Variants in ACTR5 observed in about 807,000 individuals in gnomAD.
ACTR5 encodes actin related protein 5.
Under a neutral mutation model 61.2 loss-of-function variants are expected in ACTR5, and 43 were observed. That is an observed-to-expected ratio of 0.70 (90% CI 0.55 to 0.91). ACTR5 has a LOEUF of 0.91. ACTR5 is among the 40% of genes least tolerant of loss of function. ACTR5 has a pLI of 0.00. For missense variants in ACTR5, 798 were observed against 782.2 expected (o/e 1.02, Z -0.24); for synonymous variants, 333 against 310.5 (o/e 1.07, Z -0.76).
intron 5 of ACTR5, among the ~76,000 whole-genome samples, chr20:38,764,973 A>G (rs896375204): frequency 6.6e-6 from 1 of 152,250 alleles, no homozygotes; most frequent in Non-Finnish European, 1.5e-5. Context: ...CTCCCTGGCC[A>G]GCAGATGTAT....
Position 38,766,687 on chromosome 20 carries a change from C to T in ACTR5, c.1433+310C>T, listed in dbSNP as rs80019731. On this transcript the variant is annotated intron_variant, in intron 7 of 8. Coordinates refer to ENST00000243903, the MANE Select transcript of ACTR5 (RefSeq NM_024855.4). The stretch of plus-strand genomic sequence containing the variant: ...ATGTAAACCTTCACATTATTAAAGA[C>T]TAGTGATTTTAAATCACCCTAAAAA... 1.0e-2 allele frequency among the ~76,000 whole-genome samples: 1,518 copies of T among 152,290 alleles called. 11 individuals are homozygous for T. The highest frequency in any genetic ancestry group is 0.021 in the Admixed American group (317 of 15,290).
intron 3 of ACTR5, among the ~76,000 whole-genome samples, chr20:38,753,460 C>CTATTTGAT (rs1414757230): frequency 1.3e-5 from 2 of 151,442 alleles, no homozygotes; most frequent in East Asian, 3.9e-4. Context: ...AAGGTACATA[C>CTATTTGAT]TATTTGATTC....
Position 38,750,090 on chromosome 20 carries a change from T to G in ACTR5, c.456T>G (p.Leu152=). Reference sequence around the variant, plus strand: ...CACGGCAAATGATGTCTGAGCTTCTTTTTGAGTGCTACGGGATTCCCAAGG... The same window carrying G: ...CACGGCAAATGATGTCTGAGCTTCTGTTTGAGTGCTACGGGATTCCCAAGG... ...LYSRQMMSEL[L]FECYGIPKVA... Residue 152 remains leucine (L), a synonymous_variant, in exon 2 of 9, where the codon CTT becomes CTG. Transcript: ENST00000243903. 6.2e-7 allele frequency: 1 copy of G among 1,614,216 alleles called. No homozygotes were observed. Among genetic ancestry groups the G allele is most frequent in the Non-Finnish European group, 8.5e-7 (1 of 1,180,022 alleles).
At chr20:38,753,825 T>G (rs896991176) in intron 3 of ACTR5, among the ~76,000 whole-genome samples, 6 of 152,054 alleles carry the variant, frequency 3.9e-5, no homozygotes, top group African/African-American at 1.5e-4. Context: ...TTCCTTCTGT[T>G]TATTGTTCCT....
chr20:38,755,050 C>T lies in ACTR5; in HGVS notation c.869C>T (p.Thr290Ile), dbSNP rs766320537. Reference sequence around the variant, plus strand: ...AGCAAGCTCCTGGGCAGCACTCTGACCTCTGAGGAGAAACAAGAAAGGCGG... The same window carrying T: ...AGCAAGCTCCTGGGCAGCACTCTGATCTCTGAGGAGAAACAAGAAAGGCGG... Reference protein sequence around the residue: ...FSSKLLGSTLTSEEKQERRQQ... With the variant: ...FSSKLLGSTLISEEKQERRQQ... The change falls in exon 4 of 9, where the codon ACC (threonine) becomes ATC (isoleucine). Residue 290 changes from threonine to isoleucine, a missense_variant. Coordinates refer to ENST00000243903, the MANE Select transcript of ACTR5 (RefSeq NM_024855.4). 1 of 1,614,266 alleles carries T rather than the reference C, an allele frequency of 6.2e-7. No homozygotes were observed. The highest frequency in any genetic ancestry group is 1.1e-5 in the South Asian group (1 of 91,090).
At chr20:38,766,849 T>C (rs1055701141) in intron 7 of ACTR5, among the ~76,000 whole-genome samples, 3 of 152,178 alleles carry the variant, frequency 2.0e-5, no homozygotes, top group Admixed American at 6.5e-5. Context: ...ATAATTCAAG[T>C]TGGGCAAGTA....
intron 5 of ACTR5, among the ~76,000 whole-genome samples, chr20:38,764,823 C>T (rs1351103137): frequency 6.6e-6 from 1 of 152,208 alleles, no homozygotes; most frequent in Non-Finnish European, 1.5e-5. Context: ...GTGCTCACCA[C>T]CACGCCCAGC....
intron 8 of ACTR5, among the ~76,000 whole-genome samples, chr20:38,767,867 G>A (rs372154341): frequency 1.2e-4 from 18 of 152,206 alleles, no homozygotes; most frequent in East Asian, 1.2e-3. Context: ...TACCCAGTCC[G>A]GGCCCCTGTA....
intron 7 of ACTR5, among the ~76,000 whole-genome samples, chr20:38,766,732 T>A (rs1379717508): frequency 2.6e-5 from 4 of 152,178 alleles, no homozygotes; most frequent in Non-Finnish European, 5.9e-5. Flanking sequence ...GCTAATAAAA[T>A]TTTTTTCCCC....
rs141612536 is a variant in ACTR5, at chr20:38,752,266, T to C, written c.741T>C (p.His247=). The change falls in exon 3 of 9, where the codon CAT becomes CAC. Residue 247 remains histidine, a synonymous_variant. Coordinates refer to ENST00000243903, the MANE Select transcript of ACTR5 (RefSeq NM_024855.4). The part of the protein sequence containing the change: ...ITLSRMEEIL[H]EHSYIAEDYV... ...TCAGCCGCATGGAGGAGATTCTGCA[T>C]GAGCACAGCTACATCGCTGAGGATT... is the stretch of plus-strand genomic sequence containing the variant. 5.0e-6 allele frequency: 8 copies of C among 1,613,598 alleles called. No homozygotes were observed. The highest frequency in any genetic ancestry group is 6.8e-6 in the Non-Finnish European group (8 of 1,179,536).
chr20:38,757,058 T>G (rs1057012018), intron 5 of ACTR5, among the ~76,000 whole-genome samples: 18 of 152,198 alleles, frequency 1.2e-4, no homozygotes, highest in Non-Finnish European at 4.4e-5. Flanking sequence ...TCTAAGAAGC[T>G]AGGACTACAG....
chr20:38,752,176 A>G lies in ACTR5; in HGVS notation c.651A>G (p.Gln217=), dbSNP rs1249471864. 1.2e-6 allele frequency: 2 copies of G among 1,614,018 alleles called. No homozygotes were observed. Among genetic ancestry groups the G allele is most frequent in the African/African-American group, 1.3e-5 (1 of 75,056 alleles). The change falls in exon 3 of 9, where the codon CAA becomes CAG. Residue 217 remains glutamine (Q), a synonymous_variant. Transcript: ENST00000243903. ...AGCGCATCAATCTTGGAGGAAGCCAAGCAGCTGGTTACCTCCAGCGTCTCC... is the reference window on the plus strand; with the variant it reads ...AGCGCATCAATCTTGGAGGAAGCCAGGCAGCTGGTTACCTCCAGCGTCTCC... ...NCKRINLGGS[Q]AAGYLQRLLQ...
intron 5 of ACTR5, among the ~76,000 whole-genome samples, chr20:38,763,859 T>G (rs2084469702): frequency 1.3e-5 from 2 of 152,172 alleles, no homozygotes; most frequent in Admixed American, 1.3e-4. Context: ...ATCTTCCTCC[T>G]CCTCAGATTA....
chr20:38,748,904 G>T, intron 1 of ACTR5, 51 bp downstream of exon 1: 2 of 1,547,346 alleles, frequency 1.3e-6, no homozygotes, highest in Non-Finnish European at 1.7e-6. Context: ...GAGGGGTGCG[G>T]TCTCGTCTCC....
intron 1 of ACTR5, 71 bp downstream of exon 1, chr20:38,748,924 G>C (rs2084369614): frequency 6.6e-7 from 1 of 1,511,314 alleles, no homozygotes; most frequent in Non-Finnish European, 8.8e-7. Flanking sequence ...CGCTCACTCT[G>C]CTCTCGGAGA....
rs1006325428 is a variant in ACTR5, at chr20:38,748,544, C to T, written c.66C>T (p.Gly22=). 37 of 1,510,828 alleles carry T rather than the reference C, an allele frequency of 2.4e-5. No individual in the cohort carries two copies. The African/African-American group carries it at 4.1e-4, about 17-fold the overall frequency. The allele number at this position is 1,510,828 out of a possible 1,614,324, so 93.6% of individuals were successfully genotyped here. ...CACCGGACCCAGTGCTGGAGGCCGG[C>T]CCGGTGGCACACGGGCCACTGCCGG... ...RAAPDPVLEA[G]PVAHGPLPVP... Residue 22 remains glycine (G), a synonymous_variant, in exon 1 of 9, where the codon GGC becomes GGT. Coordinates refer to ENST00000243903, the MANE Select transcript of ACTR5 (RefSeq NM_024855.4).
chr20:38,766,392 C>A lies in ACTR5; in HGVS notation c.1433+15C>A. 2.6e-6 allele frequency: 4 copies of A among 1,564,402 alleles called. No individual in the cohort carries two copies. The highest frequency in any genetic ancestry group is 3.5e-6 in the Non-Finnish European group (4 of 1,158,320). On this transcript the variant is annotated intron_variant, in intron 7 of 8. Transcript: ENST00000243903. ...ATTCTGGACAGGTGAGACAGCGAAT[C>A]TGCTTTTCCTTCTATCTTCCTGAAC...
At position 38,748,765 on chromosome 20, in the gene ACTR5, C is replaced by T; in HGVS notation, c.287C>T (p.Ser96Leu). Residue 96 changes from serine to leucine, a missense_variant, in exon 1 of 9, where the codon TCG becomes TTG. Coordinates refer to ENST00000243903, the MANE Select transcript of ACTR5 (RefSeq NM_024855.4). ...GAGCCACTGCGCTGGATGCTGCGCT[C>T]GCCCTTCGACCGCAACGTGCCGGTC... ...SLEPLRWMLR[S>L]PFDRNVPVNL... 2 of 1,604,274 alleles carry T rather than the reference C, an allele frequency of 1.2e-6. No homozygotes were observed. Among genetic ancestry groups the T allele is most frequent in the Non-Finnish European group, 1.7e-6 (2 of 1,176,946 alleles).
rs1291347611 is a variant in ACTR5, at chr20:38,754,971, C to T, written c.790C>T (p.Arg264Trp). 7.4e-6 allele frequency: 12 copies of T among 1,614,048 alleles called. No individual in the cohort carries two copies. Among genetic ancestry groups the T allele is most frequent in the South Asian group, 2.2e-5 (2 of 91,058 alleles). ...TTTCTTTGAAGAATTACACAAATGG[C>T]GGTGTCCTGATTATTATGAGAATAA... ...EDYVEELHKW[R>W]CPDYYENNVH... Residue 264 changes from arginine to tryptophan, a missense_variant, in exon 4 of 9, where the codon CGG (arginine) becomes TGG (tryptophan). By Grantham distance (101) the Arg-to-Trp change is moderately radical. Coordinates refer to ENST00000243903, the MANE Select transcript of ACTR5 (RefSeq NM_024855.4).
Sources: allele counts gnomAD v4.1 joint callset (sites outside exome capture counted in the v4.1 genomes callset), GRCh38; gene constraint gnomAD v4.1.1; transcripts MANE v1.5; gene names NCBI Gene and HGNC (gene_info 2026-07-23, HGNC 2026-07-21).